The following ELP4 variants were observed in gnomAD, a reference collection of about 807,000 sequenced individuals.
ELP4 encodes the protein elongator acetyltransferase complex subunit 4.
A neutral mutation model predicts 48.9 loss-of-function variants in ELP4; 51 were observed. The ratio of observed to expected loss-of-function variants is 1.04; its 90% CI spans 0.83 to 1.32. ELP4 has a LOEUF of 1.32. Ranked by LOEUF, ELP4 falls within the 40% of genes most tolerant of loss-of-function variation. ELP4 has a pLI of 0.00. For synonymous variants in ELP4, 210 were observed against 189.2 expected (o/e 1.11, Z -0.90); for missense variants, 519 against 514.6 (o/e 1.01, Z -0.08).
At chr11:31,740,558 G>A (rs1179366791) in intron 9 of ELP4, among the ~76,000 whole-genome samples, 1 of 152,222 alleles carries the variant, frequency 6.6e-6, no homozygotes, top group Non-Finnish European at 1.5e-5. Context: ...AGGCTGGGCT[G>A]TTCCTAACTT....
At chr11:31,657,302 C>T (rs1387798049) in intron 9 of ELP4, among the ~76,000 whole-genome samples, 1 of 152,038 alleles carries the variant, frequency 6.6e-6, no homozygotes, top group African/African-American at 2.4e-5. Context: ...CCTCAACCTC[C>T]TCCTTAGAGA....
intron 9 of ELP4, among the ~76,000 whole-genome samples, chr11:31,702,544 G>T (rs1946547719): frequency 1.3e-5 from 2 of 152,000 alleles, no homozygotes; most frequent in Admixed American, 1.3e-4. Flanking sequence ...GAATGGTTAA[G>T]AGATAAATTT....
intron 9 of ELP4, among the ~76,000 whole-genome samples, chr11:31,668,675 C>CGT (rs367795416): frequency 0.048 from 5,808 of 120,970 alleles, 262 homozygotes; most frequent in African/African-American, 0.1. Context: ...CCTTTGGTAC[C>CGT]GTGTGTGTGT....
intron 9 of ELP4, among the ~76,000 whole-genome samples, chr11:31,742,955 CA>C (rs1163711338): frequency 1.3e-5 from 2 of 152,070 alleles, no homozygotes; most frequent in African/African-American, 4.8e-5. Context: ...CACAGACTGG[CA>C]AAATGGATAA....
chr11:31,721,599 T>C lies in ELP4; in HGVS notation c.1144-61794T>C, dbSNP rs374882313. Among the ~76,000 whole-genome samples, 32 of 152,272 alleles carry C rather than the reference T, an allele frequency of 2.1e-4. No homozygotes were observed. In the East Asian group the frequency reaches 6.2e-3, roughly 29 times the overall value. ...TGGAATCTGGATTTGCCTTCTTTCA[T>C]TCAGCACACTTCTGAAGCAGTGGCA... On this transcript the variant is annotated intron_variant, in intron 9 of 9. Transcript: ENST00000640961.
rs546661681 is a variant in ELP4, at chr11:31,578,813, T to G, written c.382-15957T>G. ...TCAAGATGGATTAAAGACTTAAATGTTAGACCTAAAACCATTAAAACCCTA... is the reference window on the plus strand; with the variant it reads ...TCAAGATGGATTAAAGACTTAAATGGTAGACCTAAAACCATTAAAACCCTA... On this transcript the variant is annotated intron_variant, in intron 3 of 9. Coordinates refer to ENST00000640961, the MANE Select transcript of ELP4 (RefSeq NM_019040.5). Among the ~76,000 whole-genome samples, 579 of 152,318 alleles carry G rather than the reference T, an allele frequency of 3.8e-3. 3 individuals are homozygous for G. The highest frequency in any genetic ancestry group is 0.013 in the African/African-American group (549 of 41,576).
chr11:31,561,396 A>C (rs1565054066), intron 3 of ELP4, among the ~76,000 whole-genome samples: 5 of 152,110 alleles, frequency 3.3e-5, no homozygotes, highest in Admixed American at 1.3e-4. Flanking sequence ...GGAATTTCTC[A>C]TTTTAAGCTT....
At chr11:31,725,670 G>A (rs1338443626) in intron 9 of ELP4, among the ~76,000 whole-genome samples, 2 of 152,178 alleles carry the variant, frequency 1.3e-5, no homozygotes, top group Non-Finnish European at 2.9e-5. Flanking sequence ...CACAAGCACT[G>A]TATTTCCCAC....
intron 7 of ELP4, among the ~76,000 whole-genome samples, chr11:31,636,670 G>A (rs1944984539): frequency 6.6e-6 from 1 of 151,844 alleles, no homozygotes; most frequent in South Asian, 2.1e-4. Flanking sequence ...TTTGTGAGTA[G>A]AATGAAGAAG....
At chr11:31,619,366 A>G (rs1944566519) in intron 5 of ELP4, among the ~76,000 whole-genome samples, 1 of 152,004 alleles carries the variant, frequency 6.6e-6, no homozygotes, top group Non-Finnish European at 1.5e-5. Flanking sequence ...GTGGTGTCTT[A>G]GTCTGTTCAG....
intron 1 of ELP4, among the ~76,000 whole-genome samples, chr11:31,516,912 CTGAA>C (rs1191000469): frequency 2.0e-5 from 3 of 152,160 alleles, no homozygotes; most frequent in Admixed American, 6.5e-5. Flanking sequence ...AGGAACCTGT[CTGAA>C]TGTGAACTTA....
chr11:31,618,760 A>G (rs1223453521), intron 5 of ELP4, among the ~76,000 whole-genome samples: 1 of 152,108 alleles, frequency 6.6e-6, no homozygotes, highest in African/African-American at 2.4e-5. Context: ...AACAGGTATG[A>G]GATTCCTTTT....
chr11:31,750,760 G>C (rs1430448934), intron 9 of ELP4, among the ~76,000 whole-genome samples: 1 of 151,950 alleles, frequency 6.6e-6, no homozygotes, highest in Non-Finnish European at 1.5e-5. Flanking sequence ...TTTCTTACAG[G>C]GCTCATTTAA....
At chr11:31,567,973 A>T (rs887315434) in intron 3 of ELP4, among the ~76,000 whole-genome samples, 11 of 151,936 alleles carry the variant, frequency 7.2e-5, no homozygotes, top group African/African-American at 2.7e-4. Flanking sequence ...ACATCAATTG[A>T]CTCTTCTTCT....
At chr11:31,695,398 T>C (rs1946378689) in intron 9 of ELP4, among the ~76,000 whole-genome samples, 3 of 152,194 alleles carry the variant, frequency 2.0e-5, no homozygotes, top group South Asian at 2.1e-4. Flanking sequence ...AGGCCTTTTC[T>C]GCATCTATTG....
At chr11:31,610,864 A>G (rs988021134) in intron 5 of ELP4, among the ~76,000 whole-genome samples, 4 of 152,052 alleles carry the variant, frequency 2.6e-5, no homozygotes, top group Non-Finnish European at 4.4e-5. Context: ...CATCTCCTCC[A>G]CAGTTATGTT....
chr11:31,537,984 A>G (rs952977252), intron 2 of ELP4, among the ~76,000 whole-genome samples: 3 of 152,204 alleles, frequency 2.0e-5, no homozygotes, highest in Non-Finnish European at 2.9e-5. Context: ...CTTCTATCCC[A>G]TGAACATGAT....
intron 9 of ELP4, among the ~76,000 whole-genome samples, chr11:31,695,702 T>C (rs370622818): frequency 1.3e-5 from 2 of 149,472 alleles, no homozygotes; most frequent in Non-Finnish European, 3.0e-5. Context: ...AGGGAGAATT[T>C]CCTCTTTTTC....
At position 31,726,746 on chromosome 11, in the gene ELP4, C is replaced by T. The variant is rs371551913; in HGVS notation, c.1144-56647C>T. On this transcript the variant is annotated intron_variant, in intron 9 of 9. Transcript: ENST00000640961. ...TTTAACAATTATTTGATTATAGAAC[C>T]GTCTTTTATGTAGGTCGTATCATAC... 8.3e-4 allele frequency among the ~76,000 whole-genome samples: 127 copies of T among 152,192 alleles called. 3 individuals are homozygous for T. The South Asian group carries it at 0.026, about 31-fold the overall frequency.
Sources: gnomAD v4.1 joint callset for allele counts (sites outside exome capture counted in the v4.1 genomes callset) on GRCh38, gnomAD v4.1.1 for gene constraint, MANE v1.5 for transcripts, NCBI Gene and HGNC (gene_info 2026-07-23, HGNC 2026-07-21) for gene names.